Variants in SCUBE1 observed in about 807,000 individuals in gnomAD.
SCUBE1 encodes signal peptide, CUB domain and EGF like domain containing 1, also known as signal peptide, CUB and EGF-like domain-containing protein 1.
Under a neutral mutation model 124.4 loss-of-function variants are expected in SCUBE1, and 59 were observed. That is an observed-to-expected ratio of 0.47 (90% confidence interval 0.38 to 0.59). The LOEUF is 0.59. SCUBE1 is among the 20% of genes least tolerant of loss of function. The probability of loss-of-function intolerance (pLI) is 0.00; values close to 1 mark genes in which losing one functional copy is unlikely to be tolerated. For missense variants in SCUBE1, 1,150 were observed against 1,371.2 expected, an observed-to-expected ratio of 0.84 and a Z score of 2.55; for synonymous variants, 545 against 550.9, an observed-to-expected ratio of 0.99 and a Z score of 0.15.
In SCUBE1 at chr22:43,201,964, C is replaced by A. The variant is rs1418933751; in HGVS notation, c.*2033G>T. 1 of 152,226 alleles carries A rather than the reference C, an allele frequency of 6.6e-6. No homozygotes were observed. Among genetic ancestry groups the A allele is most frequent in the Non-Finnish European group, 1.5e-5 (1 of 68,072 alleles). The allele number at this position is 152,226 out of a possible 1,614,324, so 9.4% of individuals were successfully genotyped here. ...GCCTCTTTCCAGAAACCAGGGCTGG[C>A]CTGCGTGGACTGTGACCAGAGGAGC... On this transcript the variant is annotated 3_prime_UTR_variant, in exon 22 of 22. Coordinates refer to ENST00000360835, the MANE Select transcript of SCUBE1 (RefSeq NM_173050.5).
chr22:43,200,741 T>C lies in SCUBE1; in HGVS notation c.*3256A>G, dbSNP rs1569492129. On this transcript the variant is annotated 3_prime_UTR_variant, in exon 22 of 22. Transcript: ENST00000360835. ...GCTGCTGGCGACCTCGCGCTCCTCA[T>C]GGCCTCTCCCGTGGGCTGGGAGCTA... is the stretch of plus-strand genomic sequence containing the variant. 1 of 152,246 alleles carries C rather than the reference T, an allele frequency of 6.6e-6. No homozygotes were observed. The highest frequency in any genetic ancestry group is 1.5e-5 in the Non-Finnish European group (1 of 68,068). The allele number at this position is 152,246 out of a possible 1,614,324, so 9.4% of individuals were successfully genotyped here.
intron 6 of SCUBE1, among the ~76,000 whole-genome samples, chr22:43,253,358 C>G (rs1047868784): frequency 1.3e-5 from 2 of 152,192 alleles, no homozygotes; most frequent in African/African-American, 4.8e-5. Flanking sequence ...TTCTCAGAAG[C>G]CCGGGTCTGG....
intron 3 of SCUBE1, among the ~76,000 whole-genome samples, chr22:43,306,417 G>A (rs768540879): frequency 1.3e-5 from 2 of 152,096 alleles, no homozygotes; most frequent in Non-Finnish European, 1.5e-5. Context: ...TTATGGACTC[G>A]GTATTCTCTG....
Position 43,258,390 on chromosome 22 carries a change from T to A in SCUBE1, c.611-55A>T. The A allele has an allele frequency of 7.4e-7, 1 of 1,350,904 alleles. No individual in the cohort carries two copies. Among genetic ancestry groups the A allele is most frequent in the Non-Finnish European group, 1.1e-6 (1 of 940,456 alleles). The allele number at this position is 1,350,904 out of a possible 1,614,324, so 83.7% of individuals were successfully genotyped here. ...GTATAAACAGAACAACAAAAACGGT[T>A]AGTTTGCCGGTGTTGGCGGCTGCCT... On this transcript the variant is annotated intron_variant, in intron 5 of 21. Coordinates refer to ENST00000360835, the MANE Select transcript of SCUBE1 (RefSeq NM_173050.5). The surrounding 1 kb of genome is among the most constrained non-coding windows in gnomAD (Gnocchi z 5.0).
At chr22:43,221,149 T>G in intron 13 of SCUBE1, 24 bp downstream of exon 13, 2 of 1,575,932 alleles carry the variant, frequency 1.3e-6, no homozygotes, top group Non-Finnish European at 1.7e-6. Context: ...TTGGTGTGGG[T>G]TAGGAGCAGG....
At chr22:43,218,127 C>A in intron 15 of SCUBE1, 128 bp downstream of exon 15, 2 of 831,896 alleles carry the variant, frequency 2.4e-6, no homozygotes, top group Non-Finnish European at 4.0e-6. Context: ...TTCTCCCCGG[C>A]AGGCCTCTGC....
intron 2 of SCUBE1, among the ~76,000 whole-genome samples, chr22:43,327,441 G>A (rs562693161): frequency 6.6e-6 from 1 of 152,318 alleles, no homozygotes; most frequent in Admixed American, 6.5e-5. Flanking sequence ...GACTTGCGGG[G>A]TGGTAGAGGA....
At chr22:43,241,298 T>TC (rs1409787847) in intron 6 of SCUBE1, among the ~76,000 whole-genome samples, 1 of 151,960 alleles carries the variant, frequency 6.6e-6, no homozygotes, top group Non-Finnish European at 1.5e-5. Context: ...ACAGCAGGGG[T>TC]CACGTGGTCA....
At chr22:43,332,982 G>A (rs544735889) in intron 2 of SCUBE1, among the ~76,000 whole-genome samples, 1 of 152,336 alleles carries the variant, frequency 6.6e-6, no homozygotes, top group Non-Finnish European at 1.5e-5. Context: ...GCCAGGCCCA[G>A]TCCCTAGCTT....
intron 8 of SCUBE1, among the ~76,000 whole-genome samples, chr22:43,230,627 T>G (rs1229173550): frequency 1.3e-5 from 2 of 152,162 alleles, no homozygotes; most frequent in Admixed American, 6.5e-5. Flanking sequence ...AGAAGAACCC[T>G]GATAGGGCCT....
intron 14 of SCUBE1, among the ~76,000 whole-genome samples, chr22:43,218,741 C>A (rs1921950268): frequency 6.7e-6 from 1 of 150,202 alleles, no homozygotes. Flanking sequence ...ACTCACGGGG[C>A]AAGAACGCCT....
intron 19 of SCUBE1, among the ~76,000 whole-genome samples, chr22:43,208,476 A>G (rs1342685726): frequency 6.6e-6 from 1 of 151,664 alleles, no homozygotes; most frequent in Non-Finnish European, 1.5e-5. Flanking sequence ...CTCTCCCCCC[A>G]TCCCCTCCCA....
At chr22:43,304,732 C>A (rs1925903075) in intron 3 of SCUBE1, among the ~76,000 whole-genome samples, 2 of 152,118 alleles carry the variant, frequency 1.3e-5, no homozygotes, top group Non-Finnish European at 2.9e-5. Context: ...CGAGCCCTTC[C>A]CATCTCCAGG....
intron 4 of SCUBE1, among the ~76,000 whole-genome samples, chr22:43,272,133 G>A (rs374775074): frequency 5.1e-4 from 77 of 152,192 alleles, no homozygotes; most frequent in African/African-American, 1.1e-3. Context: ...TGCTCCTCTC[G>A]TCGTCCTTCT....
rs1487872127 is a variant in SCUBE1 at position 43,203,089 on chromosome 22, G to A, written c.*908C>T. ...ATGTTGCTGGCAAGGGGACTGGGGT[G>A]AGGCCAACACTCCAGCAGAGCATCT... On this transcript the variant is annotated 3_prime_UTR_variant, in exon 22 of 22. Coordinates refer to ENST00000360835, the MANE Select transcript of SCUBE1 (RefSeq NM_173050.5). The A allele has an allele frequency of 6.6e-6, 1 of 152,304 alleles. No homozygotes were observed. The highest frequency in any genetic ancestry group is 1.5e-5 in the Non-Finnish European group (1 of 68,088). The allele number at this position is 152,304 out of a possible 1,614,324, so 9.4% of individuals were successfully genotyped here.
At chr22:43,280,422 GTCCCTTCCCCTCACCCATCCCC>G (rs1569009300) in intron 4 of SCUBE1, among the ~76,000 whole-genome samples, 91 of 80,182 alleles carry the variant, frequency 1.1e-3, no homozygotes, top group African/African-American at 2.0e-3. Flanking sequence ...CCATCCTCCT[GTCCCTTCCCCTCACCCATCCCC>G]CTGTCCCTTC....
rs142124860 is a variant in SCUBE1, at chr22:43,268,215, C to T, written c.485-5370G>A. 2.2e-3 allele frequency among the ~76,000 whole-genome samples: 342 copies of T among 152,324 alleles called. 3 individuals are homozygous for T. The highest frequency in any genetic ancestry group is 0.01 in the Middle Eastern group (3 of 294). On this transcript the variant is annotated intron_variant, in intron 4 of 21. Transcript: ENST00000360835. ...AGCAGGCTTCTGTGAGCCTGAGGGA[C>T]GGAAGGGCCCCAGTTCAAACTCCGT...
At chr22:43,242,818 G>T (rs1923059972) in intron 6 of SCUBE1, among the ~76,000 whole-genome samples, 1 of 152,190 alleles carries the variant, frequency 6.6e-6, no homozygotes, top group Admixed American at 6.5e-5. Context: ...AGAGATCATG[G>T]AACAATACAG....
At chr22:43,222,577 T>G (rs926259170) in intron 12 of SCUBE1, 61 bp downstream of exon 12, 5 of 1,272,082 alleles carry the variant, frequency 3.9e-6, no homozygotes, top group East Asian at 2.5e-5. Context: ...CCCGCCAGCA[T>G]GTTGCTGGAT....
Sources: allele counts gnomAD v4.1 joint callset (sites outside exome capture counted in the v4.1 genomes callset), GRCh38; gene constraint gnomAD v4.1.1; non-coding constraint Gnocchi (gnomAD v3.1); transcripts MANE v1.5; gene names NCBI Gene and HGNC (gene_info 2026-07-23, HGNC 2026-07-21).